SUPT3H: variants seen among roughly 807,000 people sequenced by gnomAD.
SUPT3H encodes transcription initiation protein SPT3 homolog.
A neutral mutation model predicts 44.3 loss-of-function variants in SUPT3H; 44 were observed. The ratio of observed to expected loss-of-function variants is 0.99; its 90% confidence interval spans 0.78 to 1.28. SUPT3H has a LOEUF of 1.28. SUPT3H is among the 50% of genes most tolerant of loss of function. The pLI, the probability that SUPT3H is intolerant of heterozygous loss-of-function variation, is 0.00. For synonymous variants in SUPT3H, 124 were observed against 125.6 expected (o/e 0.99, Z 0.09); for missense variants, 380 against 387.1 (o/e 0.98, Z 0.15).
chr6:44,926,348 A>G (rs1769516913), intron 10 of SUPT3H, among the ~76,000 whole-genome samples: 1 of 152,118 alleles, frequency 6.6e-6, no homozygotes. Context: ...CTAACTACAT[A>G]AAATCCTATA....
chr6:45,320,711 A>C (rs1421995756), intron 2 of SUPT3H, among the ~76,000 whole-genome samples: 1 of 152,180 alleles, frequency 6.6e-6, no homozygotes, highest in African/African-American at 2.4e-5. Flanking sequence ...CAAAGCCAAA[A>C]ATATTTACTA....
intron 10 of SUPT3H, among the ~76,000 whole-genome samples, chr6:44,845,615 C>T (rs1331729491): frequency 6.6e-6 from 1 of 152,170 alleles, no homozygotes; most frequent in African/African-American, 2.4e-5. Context: ...CGCCCCGATC[C>T]TGTGCCTATA....
At chr6:45,163,672 C>T (rs752959365) in intron 2 of SUPT3H, among the ~76,000 whole-genome samples, 29 of 151,912 alleles carry the variant, frequency 1.9e-4, no homozygotes, top group Non-Finnish European at 3.4e-4. Flanking sequence ...ATCTTTTTAC[C>T]TTACAGCCCT....
At chr6:44,943,804 GAAGAAA>G (rs150195736) in intron 9 of SUPT3H, among the ~76,000 whole-genome samples, 2,690 of 151,972 alleles carry the variant, frequency 0.018, 47 homozygotes, top group South Asian at 0.092. Flanking sequence ...ATCCAACAAT[GAAGAAA>G]AAGTAAAGAC....
At chr6:45,283,153 G>C (rs1197507453) in intron 2 of SUPT3H, among the ~76,000 whole-genome samples, 1 of 152,094 alleles carries the variant, frequency 6.6e-6, no homozygotes, top group Non-Finnish European at 1.5e-5. Flanking sequence ...AAAGACCATC[G>C]AGGCTAGGAA....
intron 2 of SUPT3H, among the ~76,000 whole-genome samples, chr6:45,338,670 G>A (rs1432612898): frequency 6.6e-6 from 1 of 151,976 alleles, no homozygotes; most frequent in Non-Finnish European, 1.5e-5. Flanking sequence ...TTTTTATACT[G>A]GGCAATATAA....
chr6:44,909,866 C>A lies in SUPT3H; in HGVS notation c.912+22787G>T, dbSNP rs536697796. ...AAATGTTGGCAGGCTATCAAATTTT[C>A]AAACTTTAAATGAAGTTTAAAACAC... is the stretch of plus-strand genomic sequence containing the variant. On this transcript the variant is annotated intron_variant, in intron 10 of 10. Coordinates refer to ENST00000371459, the MANE Select transcript of SUPT3H (RefSeq NM_003599.4). 9.9e-5 allele frequency among the ~76,000 whole-genome samples: 15 copies of A among 152,276 alleles called. 1 individual carries two copies. The East Asian group carries it at 1.7e-3, about 18-fold the overall frequency.
chr6:45,328,747 C>T (rs1786861853), intron 2 of SUPT3H: 2 of 1,612,034 alleles, frequency 1.2e-6, no homozygotes, highest in African/African-American at 1.3e-5. Context: ...ACAGCCTCTT[C>T]AGCACAGTGA....
At chr6:45,363,010 GTTTTTTATTTTTAT>G (rs1563026225) in intron 2 of SUPT3H, among the ~76,000 whole-genome samples, 1 of 151,694 alleles carries the variant, frequency 6.6e-6, no homozygotes, top group Non-Finnish European at 1.5e-5. Flanking sequence ...AGGTACATAG[GTTTTTTATTTTTAT>G]TTTTAATTTT....
intron 9 of SUPT3H, among the ~76,000 whole-genome samples, chr6:44,935,602 T>C (rs1387786620): frequency 2.0e-5 from 3 of 152,210 alleles, no homozygotes; most frequent in South Asian, 2.1e-4. Flanking sequence ...GTTCTCCATA[T>C]GTCAGGTCCT....
At chr6:45,335,312 C>T (rs1788336993) in intron 2 of SUPT3H, among the ~76,000 whole-genome samples, 1 of 151,102 alleles carries the variant, frequency 6.6e-6, no homozygotes, top group South Asian at 2.1e-4. Context: ...TGTGAATTTA[C>T]TTTGAAGCTT....
In SUPT3H at chr6:45,343,862, T is replaced by C. The variant is rs181608153; in HGVS notation, c.101+21339A>G. 1.5e-3 allele frequency among the ~76,000 whole-genome samples: 224 copies of C among 152,262 alleles called. 2 individuals carry two copies. The highest frequency in any genetic ancestry group is 2.4e-3 in the Admixed American group (36 of 15,308). ...CCTTCTAGGTGCTTAAAATCATGCT[T>C]TTAATAACCCATATTAGAATCTTAG... On this transcript the variant is annotated intron_variant, in intron 2 of 10. Coordinates refer to ENST00000371459, the MANE Select transcript of SUPT3H (RefSeq NM_003599.4).
intron 3 of SUPT3H, among the ~76,000 whole-genome samples, chr6:45,104,648 T>C (rs1213089799): frequency 6.6e-6 from 1 of 152,066 alleles, no homozygotes; most frequent in African/African-American, 2.4e-5. Context: ...TGTTTTCAGC[T>C]GTTACATAAT....
At position 45,138,279 on chromosome 6, in the gene SUPT3H, G is replaced by A. The variant is rs1804633592; in HGVS notation, c.102-32273C>T. On this transcript the variant is annotated intron_variant, in intron 2 of 10. Transcript: ENST00000371459. Reference sequence around the variant, plus strand: ...AATGTAAAATGATATAGCTATTTTGGAGAACAGTTGGACATTTTCTTAATA... The same window carrying A: ...AATGTAAAATGATATAGCTATTTTGAAGAACAGTTGGACATTTTCTTAATA... Among the ~76,000 whole-genome samples the A allele has an allele frequency of 2.0e-5, 3 of 152,086 alleles. No homozygotes were observed. The East Asian group carries it at 5.8e-4, about 29-fold the overall frequency.
At chr6:44,868,009 G>T (rs1775774967) in intron 10 of SUPT3H, among the ~76,000 whole-genome samples, 1 of 147,854 alleles carries the variant, frequency 6.8e-6, no homozygotes. Flanking sequence ...CAAAAATCCA[G>T]TAATTCTCAA....
chr6:45,083,714 A>C (rs530291163), intron 3 of SUPT3H, among the ~76,000 whole-genome samples: 18 of 151,926 alleles, frequency 1.2e-4, no homozygotes, highest in African/African-American at 4.1e-4. Flanking sequence ...AAAAAAAAAA[A>C]CCAAACACCA....
chr6:44,975,170 C>CAAACAAAA (rs1778150224), intron 6 of SUPT3H, among the ~76,000 whole-genome samples: 1 of 284 alleles, frequency 3.5e-3, no homozygotes, highest in South Asian at 0.062. Flanking sequence ...GACTCCATCT[C>CAAACAAAA]AAACAAACAA....
chr6:44,913,921 TTATCAAC>T (rs1270354074), intron 10 of SUPT3H, among the ~76,000 whole-genome samples: 1 of 152,168 alleles, frequency 6.6e-6, no homozygotes, highest in Non-Finnish European at 1.5e-5. Context: ...TAACAAATGT[TTATCAAC>T]TATCAACTTG....
intron 2 of SUPT3H, among the ~76,000 whole-genome samples, chr6:45,136,344 T>C (rs1279636283): frequency 6.6e-5 from 10 of 151,854 alleles, no homozygotes; most frequent in Non-Finnish European, 1.5e-4. Context: ...ACAATAACAA[T>C]AACCCCAAAG....
Sources: allele counts gnomAD v4.1 joint callset (sites outside exome capture counted in the v4.1 genomes callset), GRCh38; gene constraint gnomAD v4.1.1; transcripts MANE v1.5; gene names NCBI Gene and HGNC (gene_info 2026-07-23, HGNC 2026-07-21).